Variants in STK32B observed in about 807,000 individuals in gnomAD.
STK32B encodes the protein serine/threonine kinase 32B, also known as serine/threonine-protein kinase 32B.
In STK32B, 43 loss-of-function variants were observed where a neutral mutation model predicts 52.6. The ratio of observed to expected loss-of-function variants is 0.82; its 90% CI spans 0.64 to 1.05. The LOEUF (loss-of-function observed/expected upper bound fraction) is 1.05, where lower values mean the gene tolerates loss of function less well. Ranked by LOEUF, STK32B falls within the 50% of genes least tolerant of loss-of-function variation. The pLI is 0.00. For synonymous variants in STK32B, 238 were observed against 204.3 expected (o/e 1.17, Z -1.41); for missense variants, 621 against 534.6 (o/e 1.16, Z -1.59).
At chr4:5,083,433 A>G (rs572571114) in intron 1 of STK32B, among the ~76,000 whole-genome samples, 1 of 152,264 alleles carries the variant, frequency 6.6e-6, no homozygotes, top group South Asian at 2.1e-4. Context: ...TGGGCAAGTT[A>G]CTCAACTTTT....
intron 3 of STK32B, among the ~76,000 whole-genome samples, chr4:5,304,917 A>G (rs1729819348): frequency 6.6e-6 from 1 of 152,052 alleles, no homozygotes; most frequent in South Asian, 2.1e-4. Context: ...GATTTTGTCA[A>G]ATGCTTTTTC....
At chr4:5,326,943 C>T (rs368843731) in intron 3 of STK32B, among the ~76,000 whole-genome samples, 1 of 152,200 alleles carries the variant, frequency 6.6e-6, no homozygotes, top group East Asian at 1.9e-4. Context: ...TCAAATCCTA[C>T]AGCCGCTTTA....
intron 3 of STK32B, among the ~76,000 whole-genome samples, chr4:5,202,514 CTG>C (rs1390097545): frequency 6.6e-6 from 1 of 152,246 alleles, no homozygotes; most frequent in African/African-American, 2.4e-5. Context: ...AGTGGGGACT[CTG>C]TGAGAGGGTC....
intron 3 of STK32B, among the ~76,000 whole-genome samples, chr4:5,226,323 C>A (rs1028432058): frequency 1.3e-5 from 2 of 152,180 alleles, no homozygotes; most frequent in Non-Finnish European, 2.9e-5. Flanking sequence ...ATAATCCTTA[C>A]ACGTGGACAT....
At chr4:5,149,734 T>C (rs892906853) in intron 2 of STK32B, among the ~76,000 whole-genome samples, 80 of 151,868 alleles carry the variant, frequency 5.3e-4, no homozygotes, top group African/African-American at 1.8e-3. Flanking sequence ...ATATGTATAA[T>C]TAAATAGAAA....
rs761590999 is a variant in STK32B at position 5,499,125 on chromosome 4, G to A, written c.*42G>A. ...GCTCAACAGGACTGCACTCGTCTCT[G>A]CCCTGCCCACCCAGAGCCCCTCTTT... On this transcript the variant is annotated 3_prime_UTR_variant, in exon 12 of 12. Transcript: ENST00000282908. 5 of 1,556,690 alleles carry A rather than the reference G, an allele frequency of 3.2e-6. 1 individual carries two copies. The South Asian group carries it at 6.0e-5, about 19-fold the overall frequency.
At chr4:5,204,867 C>T (rs928403593) in intron 3 of STK32B, among the ~76,000 whole-genome samples, 1 of 152,138 alleles carries the variant, frequency 6.6e-6, no homozygotes, top group African/African-American at 2.4e-5. Context: ...TGCCTCTTTG[C>T]CTCTTGATGG....
intron 4 of STK32B, among the ~76,000 whole-genome samples, chr4:5,365,595 C>A (rs1483600409): frequency 2.6e-5 from 4 of 152,190 alleles, no homozygotes; most frequent in African/African-American, 9.7e-5. Context: ...AGAGTCTGGG[C>A]TGGAGAGGAA....
At chr4:5,254,313 A>G (rs968701032) in intron 3 of STK32B, among the ~76,000 whole-genome samples, 1 of 151,274 alleles carries the variant, frequency 6.6e-6, no homozygotes, top group African/African-American at 2.4e-5. Context: ...GGGTTTATCA[A>G]TTTTATTGGT....
At chr4:5,332,488 TTTTTG>T (rs1341815749) in intron 4 of STK32B, among the ~76,000 whole-genome samples, 1 of 152,170 alleles carries the variant, frequency 6.6e-6, no homozygotes. Flanking sequence ...TTTATTTTTA[TTTTTG>T]TTTTATTTTA....
intron 2 of STK32B, among the ~76,000 whole-genome samples, chr4:5,152,655 G>T (rs886340140): frequency 1.3e-5 from 2 of 152,258 alleles, no homozygotes; most frequent in African/African-American, 4.8e-5. Flanking sequence ...TGGATACGCA[G>T]TTCTCATTCG....
At chr4:5,149,428 G>A (rs79015710) in intron 2 of STK32B, among the ~76,000 whole-genome samples, 12,277 of 151,684 alleles carry the variant, frequency 0.081, 573 homozygotes, top group South Asian at 0.14. Context: ...CTGTAGTGCT[G>A]TGGATTAGTT....
At chr4:5,304,423 G>GTTT (rs200953192) in intron 3 of STK32B, among the ~76,000 whole-genome samples, 207 of 137,404 alleles carry the variant, frequency 1.5e-3, no homozygotes, top group African/African-American at 5.0e-3. Context: ...GTATTTTATG[G>GTTT]TTTTTTTTTT....
At chr4:5,221,802 G>C (rs1016237571) in intron 3 of STK32B, among the ~76,000 whole-genome samples, 6 of 143,020 alleles carry the variant, frequency 4.2e-5, no homozygotes, top group African/African-American at 1.6e-4. Context: ...GTTGCAGTGA[G>C]CCAAGATGAT....
chr4:5,271,707 A>G (rs1727443579), intron 3 of STK32B, among the ~76,000 whole-genome samples: 1 of 146,444 alleles, frequency 6.8e-6, no homozygotes, highest in South Asian at 2.1e-4. Context: ...TTCTCCTTGA[A>G]GAGGTCCTTC....
chr4:5,032,425 C>T, the STK32B span, among the ~76,000 whole-genome samples: 28 of 137,764 alleles, frequency 2.0e-4, no homozygotes, highest in Admixed American at 2.1e-3. Context: ...GGCAGTTAGC[C>T]GAGATTGTGC....
intron 1 of STK32B, among the ~76,000 whole-genome samples, chr4:5,125,629 A>G (rs558886000): frequency 1.5e-4 from 23 of 152,272 alleles, no homozygotes; most frequent in African/African-American, 5.3e-4. Context: ...TACTGGGCCA[A>G]ATGCATATGT....
At chr4:5,243,252 A>C (rs541206763) in intron 3 of STK32B, among the ~76,000 whole-genome samples, 65 of 152,140 alleles carry the variant, frequency 4.3e-4, no homozygotes, top group African/African-American at 1.3e-3. Context: ...CTTTCATTTC[A>C]TTGAGCAGTG....
chr4:5,223,887 T>C (rs1167724041), intron 3 of STK32B, among the ~76,000 whole-genome samples: 2 of 152,202 alleles, frequency 1.3e-5, no homozygotes, highest in Admixed American at 6.5e-5. Flanking sequence ...TTTTGGGTTT[T>C]GGACTTACTG....
Sources: gnomAD v4.1 joint callset for allele counts (sites outside exome capture counted in the v4.1 genomes callset) on GRCh38, gnomAD v4.1.1 for gene constraint, MANE v1.5 for transcripts, NCBI Gene and HGNC (gene_info 2026-07-23, HGNC 2026-07-21) for gene names.